The following SYNE1 variants were observed in gnomAD, a reference collection of about 807,000 sequenced individuals.
SYNE1 encodes the protein nesprin-1.
In SYNE1, 616 loss-of-function variants were observed where a neutral mutation model predicts 1,111.0. The observed-to-expected ratio is 0.55, with a 90% CI of 0.52 to 0.59. SYNE1 has a LOEUF of 0.59. SYNE1 is among the 20% of genes least tolerant of loss of function. The probability of loss-of-function intolerance (pLI) is 0.00; values close to 1 mark genes in which losing one functional copy is unlikely to be tolerated. For synonymous variants in SYNE1, 3,855 were observed against 3,825.8 expected, an observed-to-expected ratio of 1.01 and a Z score of -0.28; for missense variants, 10,006 against 10,417.0, an observed-to-expected ratio of 0.96 and a Z score of 1.72.
intron 139 of SYNE1, 123 bp from the exon 140 acceptor site, chr6:152,140,284 G>A: frequency 2.1e-6 from 2 of 935,436 alleles, no homozygotes; most frequent in East Asian, 2.5e-5. Context: ...ATTCCACTGG[G>A]CATTTTCGTT....
At chr6:152,539,830 A>G (rs2099260800) in intron 4 of SYNE1, 130 bp downstream of exon 4, 6 of 1,059,350 alleles carry the variant, frequency 5.7e-6, no homozygotes, top group Non-Finnish European at 8.8e-6. Context: ...AGCTAGACCA[A>G]CCAATAAGAT....
intron 74 of SYNE1, among the ~76,000 whole-genome samples, chr6:152,343,682 C>A (rs2096580391): frequency 6.6e-6 from 1 of 151,790 alleles, no homozygotes; most frequent in African/African-American, 2.4e-5. Context: ...TACCCTGCTA[C>A]CTCAATCCCA....
intron 3 of SYNE1, among the ~76,000 whole-genome samples, chr6:152,559,392 C>T (rs1306676885): frequency 6.6e-6 from 1 of 152,150 alleles, no homozygotes. Context: ...TGAGCTATTG[C>T]TGTCTGGCCT....
chr6:152,308,571 T>A lies in SYNE1; in HGVS notation c.17264A>T (p.Glu5755Val), dbSNP rs755139112. ...QEMKHLQQLIEGAHREIEDKP... is the reference protein window; with the variant it reads ...QEMKHLQQLIVGAHREIEDKP... ...ATCCTCAATCTCTCTGTGAGCTCCT[T>A]CTATCAGTTGCTGGAGATGTTTCAT... The change falls in exon 91 of 146, where the codon GAA (glutamate) becomes GTA (valine). Residue 5755 changes from glutamate (E) to valine (V), a missense_variant. This residue lies in a region of SYNE1 where 4,955 missense variants were observed against 5,017.2 expected (regional missense o/e 0.99). Transcript: ENST00000367255. The A allele has an allele frequency of 6.2e-7, 1 of 1,614,066 alleles. No individual in the cohort carries two copies.
At chr6:152,536,388 A>ATT (rs1465613152) in intron 4 of SYNE1, among the ~76,000 whole-genome samples, 1 of 119,678 alleles carries the variant, frequency 8.4e-6, no homozygotes, top group Non-Finnish European at 1.8e-5. Flanking sequence ...ATATATATAT[A>ATT]TTTATATATA....
intron 3 of SYNE1, among the ~76,000 whole-genome samples, chr6:152,594,989 G>A (rs971744360): frequency 6.6e-6 from 1 of 152,084 alleles, no homozygotes; most frequent in African/African-American, 2.4e-5. Context: ...CATTACCATT[G>A]CTAGTTTACA....
At chr6:152,224,902 AAT>A (rs766056298) in intron 116 of SYNE1, among the ~76,000 whole-genome samples, 359 of 145,154 alleles carry the variant, frequency 2.5e-3, no homozygotes, top group African/African-American at 7.9e-3. Context: ...GTAACTGATA[AAT>A]ATATATATAT....
chr6:152,317,118 A>G, intron 86 of SYNE1, 132 bp from the exon 87 acceptor site: 11 of 1,031,528 alleles, frequency 1.1e-5, no homozygotes, highest in Non-Finnish European at 1.6e-5. Context: ...ATTCAATGGT[A>G]TCAAAAGATC....
chr6:152,516,887 T>C (rs1420953772), intron 6 of SYNE1, among the ~76,000 whole-genome samples: 3 of 152,130 alleles, frequency 2.0e-5, no homozygotes, highest in Non-Finnish European at 4.4e-5. Context: ...CATCTGGTCC[T>C]GAAAAACTCT....
chr6:152,520,416 C>T, intron 6 of SYNE1, 43 bp downstream of exon 6: 3 of 1,597,922 alleles, frequency 1.9e-6, no homozygotes, highest in Non-Finnish European at 2.6e-6. Flanking sequence ...TAAGTATGCC[C>T]ACACCTTCTT....
chr6:152,196,586 C>A lies in SYNE1; in HGVS notation c.23145+5238G>T, dbSNP rs562794824. On this transcript the variant is annotated intron_variant, in intron 127 of 145. Coordinates refer to ENST00000367255, the MANE Select transcript of SYNE1 (RefSeq NM_182961.4). ...GTCTAGAAATGTCTGGAAACTAGGG[C>A]ATGGAATGAAGGCTTCATGACTGTG... Among the ~76,000 whole-genome samples, 3 of 152,126 alleles carry A rather than the reference C, an allele frequency of 2.0e-5. No individual in the cohort carries two copies. The South Asian group carries it at 6.2e-4, about 32-fold the overall frequency.
intron 36 of SYNE1, among the ~76,000 whole-genome samples, chr6:152,429,549 G>C (rs561695383): frequency 1.3e-5 from 2 of 152,236 alleles, no homozygotes; most frequent in East Asian, 3.9e-4. Context: ...CATGCAATAT[G>C]AATCATATTT....
In SYNE1 at chr6:152,180,270, C is replaced by T. The variant is rs1001342806; in HGVS notation, c.23326G>A (p.Gly7776Ser). The change falls in exon 129 of 146, where the codon GGT becomes AGT. Residue 7776 changes from glycine (G) to serine (S), a missense_variant. Around this residue, in one of 7 missense-constraint regions of SYNE1, gnomAD observed 2,182 missense variants for 2,287.8 expected, o/e 0.95. Transcript: ENST00000367255. ...ACTGCCCATTCATTCAATCTTTCAC[C>T]TATTTGCTGCCGCCTTAAGGAGAGC... ...HQLSLRRQQI[G>S]ERLNEWAVFS... 5 of 1,614,062 alleles carry T rather than the reference C, an allele frequency of 3.1e-6. No homozygotes were observed. Among genetic ancestry groups the T allele is most frequent in the Non-Finnish European group, 2.5e-6 (3 of 1,179,982 alleles).
At chr6:152,563,405 A>G (rs1017875070) in intron 3 of SYNE1, among the ~76,000 whole-genome samples, 1 of 152,178 alleles carries the variant, frequency 6.6e-6, no homozygotes, top group Non-Finnish European at 1.5e-5. Context: ...GACAGTGCTC[A>G]TATCGATTTA....
Position 152,367,432 on chromosome 6 carries a change from C to T in SYNE1, c.9808-50G>A, listed in dbSNP as rs7775637. The T allele has an allele frequency of 0.91, 1,458,010 of 1,607,646 alleles. 663,887 individuals carry two copies. The highest frequency in any genetic ancestry group is 0.96 in the African/African-American group (72,263 of 75,008). ...GAGCTGTCCATCCCACAGAGACAAA[C>T]TGCAAAGCTAACAGTTTGTTTGAAA... is the stretch of plus-strand genomic sequence containing the variant. On this transcript the variant is annotated intron_variant, in intron 61 of 145. Transcript: ENST00000367255.
In SYNE1 at chr6:152,350,640, T is replaced by C. The variant is rs771294384; in HGVS notation, c.11711A>G (p.Gln3904Arg). The C allele has an allele frequency of 5.0e-6, 8 of 1,614,066 alleles. No individual in the cohort carries two copies. The East Asian group carries it at 1.6e-4, about 31-fold the overall frequency. ...TACCTTTCCTATGCTGCACAGGTCC[T>C]GGTAATCACTTTGAAGTTGATCTAT... ...DKIDQLQSDY[Q>R]DLCSIGKEHV... is the part of the protein sequence containing the mutation. Residue 3904 changes from glutamine to arginine, a missense_variant, in exon 71 of 146, where the codon CAG (glutamine) becomes CGG (arginine). Coordinates refer to ENST00000367255, the MANE Select transcript of SYNE1 (RefSeq NM_182961.4).
chr6:152,545,191 T>C (rs1352980252), intron 3 of SYNE1, among the ~76,000 whole-genome samples: 3 of 152,198 alleles, frequency 2.0e-5, no homozygotes, highest in Non-Finnish European at 4.4e-5. Flanking sequence ...TAATGCATAA[T>C]GTATTTTCAT....
chr6:152,149,773 G>GTATGTATAT, intron 135 of SYNE1, 105 bp from the exon 136 acceptor site: 2 of 978,688 alleles, frequency 2.0e-6, no homozygotes, highest in Non-Finnish European at 3.2e-6. Flanking sequence ...AGACATGTAG[G>GTATGTATAT]GGCTATTTAA....
chr6:152,550,485 A>G (rs2099337916), intron 3 of SYNE1, among the ~76,000 whole-genome samples: 1 of 151,730 alleles, frequency 6.6e-6, no homozygotes, highest in African/African-American at 2.4e-5. Context: ...TGTGCTAGGC[A>G]CTGGGTTGGC....
Sources: allele counts gnomAD v4.1 joint callset (sites outside exome capture counted in the v4.1 genomes callset), GRCh38; gene constraint gnomAD v4.1.1; regional missense constraint gnomAD v4.1.1; transcripts MANE v1.5; gene names NCBI Gene and HGNC (gene_info 2026-07-23, HGNC 2026-07-21).